Variants in FAT3 observed in about 807,000 individuals in gnomAD.
The protein encoded by FAT3 is FAT atypical cadherin 3, also known as protocadherin Fat 3.
FAT3 carries 95 observed loss-of-function variants against 310.2 expected under a neutral mutation model. The ratio of observed to expected loss-of-function variants is 0.31; its 90% CI spans 0.26 to 0.36. FAT3 has a LOEUF of 0.36. Among genes scored for constraint, FAT3 ranks in the 10% least tolerant of loss-of-function variants. The pLI is 1.00. For synonymous variants in FAT3, 2,314 were observed against 2,192.9 expected (o/e 1.06, Z -1.54); for missense variants, 5,408 against 5,715.6 (o/e 0.95, Z 1.74).
At chr11:92,577,983 A>G (rs1488466446) in intron 3 of FAT3, among the ~76,000 whole-genome samples, 1 of 152,098 alleles carries the variant, frequency 6.6e-6, no homozygotes, top group Non-Finnish European at 1.5e-5. Context: ...AAATACATAC[A>G]CTGAAAAGTG....
chr11:92,730,731 T>G (rs1343369080), intron 4 of FAT3, among the ~76,000 whole-genome samples: 1 of 152,242 alleles, frequency 6.6e-6, no homozygotes, highest in Admixed American at 6.5e-5. Context: ...TTAACATGTG[T>G]CAAAATTCTG....
At position 92,608,354 on chromosome 11, in the gene FAT3, C is replaced by T. The variant is rs185207626; in HGVS notation, c.3607+83406C>T. 7.2e-5 allele frequency among the ~76,000 whole-genome samples: 11 copies of T among 152,236 alleles called. No individual in the cohort carries two copies. In the East Asian group the frequency reaches 1.7e-3, roughly 24 times the overall value. On this transcript the variant is annotated intron_variant, in intron 3 of 27. Coordinates refer to ENST00000525166, the MANE Select transcript of FAT3 (RefSeq NM_001367949.2). ...GTCAATGCTCAGGTAATTTACTTTT[C>T]GTTTTCAACTCCTTATGGAATGTTA...
At chr11:92,579,599 C>G (rs1158203873) in intron 3 of FAT3, among the ~76,000 whole-genome samples, 1 of 151,988 alleles carries the variant, frequency 6.6e-6, no homozygotes, top group Non-Finnish European at 1.5e-5. Context: ...TATGTGAAGT[C>G]TATCCCTAGA....
intron 13 of FAT3, among the ~76,000 whole-genome samples, chr11:92,830,818 TC>T (rs1177663200): frequency 6.6e-6 from 1 of 152,092 alleles, no homozygotes; most frequent in East Asian, 1.9e-4. Context: ...ACATCCTGTA[TC>T]CTGCCAGCTC....
intron 4 of FAT3, among the ~76,000 whole-genome samples, chr11:92,757,353 G>T (rs1946029717): frequency 1.3e-5 from 2 of 152,130 alleles, no homozygotes; most frequent in South Asian, 4.1e-4. Flanking sequence ...GGTGAGGATG[G>T]TTCTCTGTTC....
chr11:92,452,301 G>A (rs1951375162), intron 2 of FAT3, among the ~76,000 whole-genome samples: 1 of 152,164 alleles, frequency 6.6e-6, no homozygotes, highest in South Asian at 2.1e-4. Flanking sequence ...GCAAGTGATA[G>A]TATCGGACTG....
At position 92,309,388 on chromosome 11, in the gene FAT3, A is replaced by ACACACACACACACACG. The variant is rs1208155904; in HGVS notation, c.-17-42693_-17-42692insGCACACACACACACAC. Among the ~76,000 whole-genome samples, 61 of 28,040 alleles carry ACACACACACACACACG rather than the reference A, an allele frequency of 2.2e-3. No homozygotes were observed. In the East Asian group the frequency reaches 0.088, roughly 40 times the overall value. 18.4% of individuals were successfully genotyped at this position (28,040 alleles called of 152,430 possible). ...CACTCTTTTACACACACGCATGCAC[A>ACACACACACACACACG]CACACACACACACACACACACACAC... On this transcript the variant is annotated intron_variant, in intron 1 of 27. Transcript: ENST00000525166.
At chr11:92,887,920 C>T (rs948453834) in intron 25 of FAT3, among the ~76,000 whole-genome samples, 4 of 152,086 alleles carry the variant, frequency 2.6e-5, no homozygotes, top group African/African-American at 9.7e-5. Context: ...AGCAGCCTTA[C>T]CTTAGGTCAT....
At chr11:92,567,111 T>C (rs1291532102) in intron 3 of FAT3, among the ~76,000 whole-genome samples, 2 of 151,864 alleles carry the variant, frequency 1.3e-5, no homozygotes, top group African/African-American at 2.4e-5. Context: ...ACCTTCAAAA[T>C]AGGAGAAAAT....
At chr11:92,554,525 G>C (rs1954947841) in intron 3 of FAT3, among the ~76,000 whole-genome samples, 1 of 138,560 alleles carries the variant, frequency 7.2e-6, no homozygotes, top group Non-Finnish European at 1.5e-5. Flanking sequence ...AGCATTAACT[G>C]TCTATTTCAA....
At chr11:92,795,973 T>C (rs1439168580) in intron 9 of FAT3, among the ~76,000 whole-genome samples, 1 of 152,072 alleles carries the variant, frequency 6.6e-6, no homozygotes, top group Non-Finnish European at 1.5e-5. Flanking sequence ...CCATAATCTA[T>C]CTTTCTGGGC....
intron 2 of FAT3, among the ~76,000 whole-genome samples, chr11:92,502,400 G>A (rs1309429095): frequency 1.3e-5 from 2 of 152,060 alleles, no homozygotes; most frequent in African/African-American, 2.4e-5. Context: ...AATGCATCAG[G>A]AGTATTGCAT....
At chr11:92,525,328 C>A (rs1202633682) in intron 3 of FAT3, among the ~76,000 whole-genome samples, 1 of 152,202 alleles carries the variant, frequency 6.6e-6, no homozygotes, top group Non-Finnish European at 1.5e-5. Flanking sequence ...CTAGACACTT[C>A]TCCCTTGCTG....
chr11:92,533,067 G>A (rs146333840), intron 3 of FAT3, among the ~76,000 whole-genome samples: 4 of 152,166 alleles, frequency 2.6e-5, no homozygotes, highest in South Asian at 4.2e-4. Context: ...AGAGTCTCCC[G>A]CTGTTGCCCA....
chr11:92,883,116 C>A lies in FAT3; in HGVS notation c.12660C>A (p.Asn4220Lys), dbSNP rs371295182. 1 of 1,613,798 alleles carries A rather than the reference C, an allele frequency of 6.2e-7. No homozygotes were observed. The highest frequency in any genetic ancestry group is 8.5e-7 in the Non-Finnish European group (1 of 1,179,882). The change falls in exon 24 of 28, where the codon AAC (asparagine) becomes AAA (lysine). Residue 4220 changes from asparagine to lysine, a missense_variant. By Grantham distance (94) the Asn-to-Lys change is moderately conservative (BLOSUM62 0). This residue lies in a region of FAT3 where 649 missense variants were observed against 666.2 expected (regional missense o/e 0.97). Transcript: ENST00000525166. The surrounding 1 kb of genome is among the most constrained non-coding windows in gnomAD (Gnocchi z 4.2). Reference protein sequence around the residue: ...RNLRGSGDGRNVYQEVGPPQV... With the variant: ...RNLRGSGDGRKVYQEVGPPQV... ...TGCGCGGCAGTGGGGACGGCCGCAA[C>A]GTCTACCAGGAGGTGGGGCCCCCGC...
intron 2 of FAT3, among the ~76,000 whole-genome samples, chr11:92,419,612 G>A (rs186532339): frequency 2.6e-5 from 4 of 152,160 alleles, no homozygotes; most frequent in East Asian, 1.9e-4. Context: ...TTGTAATAGC[G>A]CTTATCTTCA....
chr11:92,325,920 A>G (rs1720654353), intron 1 of FAT3, among the ~76,000 whole-genome samples: 1 of 152,160 alleles, frequency 6.6e-6, no homozygotes, highest in Non-Finnish European at 1.5e-5. Context: ...ATGAGCCACC[A>G]TACCTGGCCG....
intron 2 of FAT3, among the ~76,000 whole-genome samples, chr11:92,371,152 G>A (rs898475083): frequency 6.6e-6 from 1 of 152,244 alleles, no homozygotes; most frequent in African/African-American, 2.4e-5. Flanking sequence ...AGGAGAAAGA[G>A]TTCACTAACT....
At chr11:92,694,622 C>T (rs1219875065) in intron 3 of FAT3, among the ~76,000 whole-genome samples, 2 of 152,184 alleles carry the variant, frequency 1.3e-5, no homozygotes, top group African/African-American at 2.4e-5. Flanking sequence ...TGCACAGCCA[C>T]ACCACAATGG....
Sources: gnomAD v4.1 joint callset for allele counts (sites outside exome capture counted in the v4.1 genomes callset) on GRCh38, gnomAD v4.1.1 for gene constraint, gnomAD v4.1.1 regional missense constraint, Gnocchi (gnomAD v3.1) non-coding constraint, MANE v1.5 for transcripts, NCBI Gene and HGNC (gene_info 2026-07-23, HGNC 2026-07-21) for gene names.